The following NCMAP variants were observed in gnomAD, a reference collection of about 807,000 sequenced individuals.
NCMAP encodes the protein noncompact myelin-associated protein.
Under a neutral mutation model 7.8 loss-of-function variants are expected in NCMAP, and 8 were observed. That is an observed-to-expected ratio of 1.02 (90% CI 0.60 to 1.84). The LOEUF is 1.84. NCMAP is among the 40% of genes most tolerant of loss of function. NCMAP has a pLI of 0.00. For synonymous variants in NCMAP, 41 were observed against 52.9 expected (o/e 0.78, Z 0.98); for missense variants, 112 against 131.4 (o/e 0.85, Z 0.72).
chr1:24,557,763 G>A (rs1174514587), intron 1 of NCMAP, among the ~76,000 whole-genome samples: 1 of 152,206 alleles, frequency 6.6e-6, no homozygotes, highest in African/African-American at 2.4e-5. Flanking sequence ...TGTCCCTGCT[G>A]GGCTCTGTGC....
rs200827334 is a variant in NCMAP, at chr1:24,577,411, T to G, written c.-7-18013T>G. Among the ~76,000 whole-genome samples the G allele has an allele frequency of 6.3e-3, 742 of 118,082 alleles. 2 individuals carry two copies. Among genetic ancestry groups the G allele is most frequent in the African/African-American group, 0.016 (442 of 27,766 alleles). The allele number at this position is 118,082 out of a possible 152,430, so 77.5% of individuals were successfully genotyped here. On this transcript the variant is annotated intron_variant, in intron 1 of 3. Transcript: ENST00000374392. ...GAAGGCACTGGCCTTGTTTTTTTTTTTTTTTTTTTTTTTTTTTTTTGGTTT... is the reference window on the plus strand; with the variant it reads ...GAAGGCACTGGCCTTGTTTTTTTTTGTTTTTTTTTTTTTTTTTTTTGGTTT...
chr1:24,572,035 G>A (rs1206658701), intron 1 of NCMAP, among the ~76,000 whole-genome samples: 1 of 150,896 alleles, frequency 6.6e-6, no homozygotes, highest in Non-Finnish European at 1.5e-5. Flanking sequence ...GGGGCACCAC[G>A]CTGGACAGCA....
intron 3 of NCMAP, among the ~76,000 whole-genome samples, chr1:24,605,395 A>G (rs894561929): frequency 4.6e-5 from 7 of 152,230 alleles, no homozygotes; most frequent in Non-Finnish European, 8.8e-5. Flanking sequence ...ATAAAATTAA[A>G]TATCTGATCT....
chr1:24,573,404 A>G lies in NCMAP; in HGVS notation c.-8+17235A>G, dbSNP rs532342059. On this transcript the variant is annotated intron_variant, in intron 1 of 3. Transcript: ENST00000374392. ...GGAGTTCAAGACCAACCTGGCCAAC[A>G]TGGCGAAACCCTGTCTCTACTAAAA... Among the ~76,000 whole-genome samples, 6 of 150,852 alleles carry G rather than the reference A, an allele frequency of 4.0e-5. 1 individual carries two copies. Among genetic ancestry groups the G allele is most frequent in the South Asian group, 2.1e-4 (1 of 4,830 alleles).
rs1346027780 is a variant in NCMAP, at chr1:24,597,635, G to GAA, written c.82+2125_82+2126dup. On this transcript the variant is annotated intron_variant, in intron 2 of 3. Coordinates refer to ENST00000374392, the MANE Select transcript of NCMAP (RefSeq NM_001010980.5). ...AAAGAAAGAGAAAGAAAGAAAGAAA[G>GAA]AAAGAAAGAAAGAAAGAAAGAAAGA... 2.9e-3 allele frequency among the ~76,000 whole-genome samples: 343 copies of GAA among 118,640 alleles called. 7 individuals carry two copies. The highest frequency in any genetic ancestry group is 4.3e-3 in the Middle Eastern group (1 of 230). 77.8% of individuals were successfully genotyped at this position (118,640 alleles called of 152,430 possible). A position where few individuals can be genotyped will look rare whatever the true frequency, so the allele number is the denominator to read the frequency against.
chr1:24,581,046 CA>C (rs1651727839), intron 1 of NCMAP, among the ~76,000 whole-genome samples: 1 of 151,430 alleles, frequency 6.6e-6, no homozygotes, highest in African/African-American at 2.4e-5. Flanking sequence ...TGTCATGTGC[CA>C]GGGGGTTCAG....
chr1:24,586,537 C>T (rs541487408), intron 1 of NCMAP, among the ~76,000 whole-genome samples: 5 of 152,200 alleles, frequency 3.3e-5, no homozygotes, highest in East Asian at 1.9e-4. Context: ...CCGAGGAGGG[C>T]GGATCACAAG....
chr1:24,560,375 G>A (rs1160217331), intron 1 of NCMAP, among the ~76,000 whole-genome samples: 1 of 152,140 alleles, frequency 6.6e-6, no homozygotes, highest in Non-Finnish European at 1.5e-5. Context: ...TCTTTTTGCT[G>A]CCTGTCTGGT....
chr1:24,595,290 A>G (rs898197124), intron 1 of NCMAP, 134 bp from the exon 2 acceptor site: 6 of 608,532 alleles, frequency 9.9e-6, no homozygotes, highest in African/African-American at 1.8e-5. Context: ...TGGGTTTTGC[A>G]TTTACTTGCT....
chr1:24,600,239 C>T (rs1002958674), intron 2 of NCMAP, among the ~76,000 whole-genome samples: 4 of 152,146 alleles, frequency 2.6e-5, no homozygotes, highest in African/African-American at 9.7e-5. Context: ...CAGCCTCAAC[C>T]TCCCAGGCTC....
At chr1:24,567,064 C>T (rs1337685724) in intron 1 of NCMAP, among the ~76,000 whole-genome samples, 3 of 152,134 alleles carry the variant, frequency 2.0e-5, no homozygotes, top group Non-Finnish European at 4.4e-5. Context: ...GTCCAGGCCC[C>T]GAGCTCAGGG....
At chr1:24,564,323 A>G (rs1651148016) in intron 1 of NCMAP, among the ~76,000 whole-genome samples, 1 of 151,924 alleles carries the variant, frequency 6.6e-6, no homozygotes, top group African/African-American at 2.4e-5. Flanking sequence ...CAGCCTGGCC[A>G]ATATGGTGAA....
At chr1:24,601,134 C>A (rs4378146) in intron 3 of NCMAP, 110 bp downstream of exon 3, 189,913 of 838,228 alleles carry the variant, frequency 0.23, 22,505 homozygotes, top group Non-Finnish European at 0.24. Flanking sequence ...TATCCCTCAG[C>A]CTTTAGTAAA....
chr1:24,599,997 ATT>A (rs56946336), intron 2 of NCMAP, among the ~76,000 whole-genome samples: 10 of 151,044 alleles, frequency 6.6e-5, no homozygotes, highest in African/African-American at 2.4e-4. Flanking sequence ...TATAACGGGT[ATT>A]TTTTTTTAAT....
intron 1 of NCMAP, among the ~76,000 whole-genome samples, chr1:24,558,780 A>G (rs1176013240): frequency 6.6e-6 from 1 of 152,112 alleles, no homozygotes; most frequent in African/African-American, 2.4e-5. Context: ...GTTGGGGAAG[A>G]CCATTTCTCC....
At chr1:24,589,189 G>A (rs1232328850) in intron 1 of NCMAP, among the ~76,000 whole-genome samples, 3 of 152,162 alleles carry the variant, frequency 2.0e-5, no homozygotes, top group African/African-American at 4.8e-5. Flanking sequence ...GACACATAGC[G>A]CATTATTATT....
rs1651607418 is a variant in NCMAP at position 24,577,402 on chromosome 1, T to TTTTTTTTTG, written c.-7-18014_-7-18013insGTTTTTTTT. Among the ~76,000 whole-genome samples the TTTTTTTTTG allele has an allele frequency of 1.2e-3, 61 of 49,828 alleles. 1 individual carries two copies. Among genetic ancestry groups the TTTTTTTTTG allele is most frequent in the African/African-American group, 4.6e-3 (49 of 10,648 alleles). The allele number at this position is 49,828 out of a possible 152,430, so 32.7% of individuals were successfully genotyped here. ...AGTTTCTAAGAAGGCACTGGCCTTG[T>TTTTTTTTTG]TTTTTTTTTTTTTTTTTTTTTTTTT... On this transcript the variant is annotated intron_variant, in intron 1 of 3. Coordinates refer to ENST00000374392, the MANE Select transcript of NCMAP (RefSeq NM_001010980.5).
At chr1:24,562,648 G>A (rs1164812634) in intron 1 of NCMAP, among the ~76,000 whole-genome samples, 4 of 152,170 alleles carry the variant, frequency 2.6e-5, no homozygotes, top group African/African-American at 9.7e-5. Context: ...TCTTTGTCTT[G>A]AAACAATCAC....
At position 24,569,016 on chromosome 1, in the gene NCMAP, GT is replaced by G. The variant is rs1210377996; in HGVS notation, c.-8+12851del. ...CTTTAATTCCTAATATATTTGTTTTGTTTTGTTTTGTTTTTTTTTGGAGACT... is the reference window on the plus strand; with the variant it reads ...CTTTAATTCCTAATATATTTGTTTTGTTTGTTTTGTTTTTTTTTGGAGACT... On this transcript the variant is annotated intron_variant, in intron 1 of 3. Transcript: ENST00000374392. 6.7e-5 allele frequency among the ~76,000 whole-genome samples: 9 copies of G among 134,580 alleles called. 1 individual carries two copies. The highest frequency in any genetic ancestry group is 2.4e-4 in the African/African-American group (9 of 37,024). 88.3% of individuals were successfully genotyped at this position (134,580 alleles called of 152,430 possible). A position where few individuals can be genotyped will look rare whatever the true frequency, so the allele number is the denominator to read the frequency against.
Sources: allele counts gnomAD v4.1 joint callset (sites outside exome capture counted in the v4.1 genomes callset), GRCh38; gene constraint gnomAD v4.1.1; transcripts MANE v1.5; gene names NCBI Gene and HGNC (gene_info 2026-07-23, HGNC 2026-07-21).